The following SRBD1 variants were observed in gnomAD, a reference collection of about 807,000 sequenced individuals.
SRBD1 encodes S1 RNA binding domain 1, also known as S1 RNA-binding domain-containing protein 1.
A neutral mutation model predicts 115.3 loss-of-function variants in SRBD1; 88 were observed. The ratio of observed to expected loss-of-function variants is 0.76; its 90% CI spans 0.64 to 0.91. The LOEUF (loss-of-function observed/expected upper bound fraction) is 0.91, where lower values mean the gene tolerates loss of function less well. Ranked by LOEUF, SRBD1 falls within the 40% of genes least tolerant of loss-of-function variation. SRBD1 has a pLI of 0.00. For missense variants in SRBD1, 1,385 were observed against 1,177.4 expected, an observed-to-expected ratio of 1.18 and a Z score of -2.58; for synonymous variants, 509 against 407.7, an observed-to-expected ratio of 1.25 and a Z score of -2.99.
At chr2:45,564,366 C>A (rs1446517443) in intron 9 of SRBD1, among the ~76,000 whole-genome samples, 1 of 152,122 alleles carries the variant, frequency 6.6e-6, no homozygotes, top group Non-Finnish European at 1.5e-5. Context: ...AGACCAGGAA[C>A]AAGACAAGCG....
At position 45,583,713 on chromosome 2, in the gene SRBD1, T is replaced by C. The variant is rs140969653; in HGVS notation, c.815+1895A>G. ...AAATTGAAAATCAATGCTCTAGTTA[T>C]AGAAAATGCTGAGCTCAAGAAAAAA... On this transcript the variant is annotated intron_variant, in intron 5 of 20. Coordinates refer to ENST00000263736, the MANE Select transcript of SRBD1 (RefSeq NM_018079.5). 1.4e-3 allele frequency among the ~76,000 whole-genome samples: 216 copies of C among 152,264 alleles called. 2 individuals carry two copies. Among genetic ancestry groups the C allele is most frequent in the African/African-American group, 5.0e-3 (206 of 41,554 alleles).
intron 14 of SRBD1, among the ~76,000 whole-genome samples, chr2:45,520,494 C>T (rs1438036252): frequency 6.6e-6 from 1 of 152,192 alleles, no homozygotes; most frequent in Non-Finnish European, 1.5e-5. Context: ...AGTTCCCCGG[C>T]AAAGGCCCCA....
chr2:45,506,875 A>C (rs895038813), intron 14 of SRBD1, among the ~76,000 whole-genome samples: 2 of 152,206 alleles, frequency 1.3e-5, no homozygotes, highest in African/African-American at 4.8e-5. Flanking sequence ...GCAGGTTTCC[A>C]GTTCTTTAAA....
chr2:45,592,359 A>C (rs1222653654), intron 4 of SRBD1, among the ~76,000 whole-genome samples: 2 of 152,076 alleles, frequency 1.3e-5, no homozygotes, highest in African/African-American at 4.8e-5. Flanking sequence ...TCCCAAGCAT[A>C]AGGAGGGCAC....
intron 12 of SRBD1, among the ~76,000 whole-genome samples, chr2:45,550,903 G>C (rs566218709): frequency 1.6e-3 from 237 of 152,304 alleles, no homozygotes; most frequent in Middle Eastern, 3.4e-3. Flanking sequence ...TCTCTACTGA[G>C]ATATAGGAAG....
intron 9 of SRBD1, chr2:45,567,879 A>ATG (rs1672883807): frequency 6.6e-6 from 1 of 152,252 alleles, no homozygotes; most frequent in Non-Finnish European, 1.5e-5. Context: ...ACAATACATT[A>ATG]TTGGAGGTTT....
At chr2:45,457,944 A>C (rs528006248) in intron 16 of SRBD1, among the ~76,000 whole-genome samples, 1 of 152,102 alleles carries the variant, frequency 6.6e-6, no homozygotes, top group Non-Finnish European at 1.5e-5. Context: ...GACTTTTTAC[A>C]AATTTTAAAC....
At position 45,414,961 on chromosome 2, in the gene SRBD1, CAT is replaced by C. The variant is rs201592035; in HGVS notation, c.2334-1670_2334-1669del. Among the ~76,000 whole-genome samples, 519 of 99,604 alleles carry C rather than the reference CAT, an allele frequency of 5.2e-3. 84 individuals are homozygous for C. The highest frequency in any genetic ancestry group is 8.5e-3 in the African/African-American group (210 of 24,660). The allele number at this position is 99,604 out of a possible 152,430, so 65.3% of individuals were successfully genotyped here. On this transcript the variant is annotated intron_variant, in intron 18 of 20. Coordinates refer to ENST00000263736, the MANE Select transcript of SRBD1 (RefSeq NM_018079.5). ...GTTATATAGTATGTACATACACACA[CAT>C]ATAGTGTGTATATAGTATGTATATA...
At chr2:45,567,380 C>T (rs1184488763) in intron 9 of SRBD1, among the ~76,000 whole-genome samples, 1 of 152,022 alleles carries the variant, frequency 6.6e-6, no homozygotes, top group African/African-American at 2.4e-5. Flanking sequence ...GAGGCCAAAG[C>T]AGGAGGACTG....
chr2:45,391,086 T>C (rs779213521), intron 20 of SRBD1, among the ~76,000 whole-genome samples: 1 of 152,156 alleles, frequency 6.6e-6, no homozygotes. Context: ...CTCTCTTTTC[T>C]TGGGGAGGTC....
At chr2:45,505,887 A>C (rs1017534482) in intron 14 of SRBD1, among the ~76,000 whole-genome samples, 6 of 152,174 alleles carry the variant, frequency 3.9e-5, no homozygotes, top group African/African-American at 1.4e-4. Flanking sequence ...TCCTCTGCCT[A>C]ATCCCTCCTC....
At chr2:45,570,878 G>C (rs1474674999) in intron 9 of SRBD1, among the ~76,000 whole-genome samples, 1 of 152,142 alleles carries the variant, frequency 6.6e-6, no homozygotes, top group African/African-American at 2.4e-5. Context: ...ACTCAGGACA[G>C]AAGAAGCCTC....
intron 14 of SRBD1, among the ~76,000 whole-genome samples, chr2:45,517,322 G>T (rs1177177193): frequency 1.3e-5 from 2 of 151,998 alleles, no homozygotes; most frequent in Non-Finnish European, 2.9e-5. Flanking sequence ...CTATCACATT[G>T]CTTTGTAATA....
At chr2:45,561,193 A>C (rs1283440320) in intron 10 of SRBD1, among the ~76,000 whole-genome samples, 2 of 152,250 alleles carry the variant, frequency 1.3e-5, no homozygotes, top group African/African-American at 4.8e-5. Context: ...AAATCATACT[A>C]TAAATAAATG....
intron 16 of SRBD1, among the ~76,000 whole-genome samples, chr2:45,468,260 TTC>T (rs1238937706): frequency 1.3e-5 from 2 of 152,150 alleles, no homozygotes; most frequent in Admixed American, 6.5e-5. Flanking sequence ...AATCTAGCAT[TTC>T]TGAGTCATTT....
At chr2:45,457,603 TTAAA>T (rs1669193172) in intron 16 of SRBD1, among the ~76,000 whole-genome samples, 1 of 152,034 alleles carries the variant, frequency 6.6e-6, no homozygotes, top group Non-Finnish European at 1.5e-5. Context: ...CTAACTGCAA[TTAAA>T]TAGTTTAAAG....
At chr2:45,518,409 C>G (rs1367172373) in intron 14 of SRBD1, among the ~76,000 whole-genome samples, 1 of 152,304 alleles carries the variant, frequency 6.6e-6, no homozygotes, top group East Asian at 1.9e-4. Flanking sequence ...GAATGAATGA[C>G]AGAACCGTAT....
chr2:45,513,243 G>C (rs781618665), intron 14 of SRBD1, among the ~76,000 whole-genome samples: 1 of 152,046 alleles, frequency 6.6e-6, no homozygotes. Flanking sequence ...TTCATCATAC[G>C]AAACTGTGTT....
chr2:45,404,906 C>T (rs989214648), intron 19 of SRBD1, among the ~76,000 whole-genome samples: 2 of 152,082 alleles, frequency 1.3e-5, no homozygotes, highest in Admixed American at 1.3e-4. Flanking sequence ...CTCCCACATT[C>T]GAACCTTCAC....
Sources: gnomAD v4.1 joint callset for allele counts (sites outside exome capture counted in the v4.1 genomes callset) on GRCh38, gnomAD v4.1.1 for gene constraint, MANE v1.5 for transcripts, NCBI Gene and HGNC (gene_info 2026-07-23, HGNC 2026-07-21) for gene names.